The following SUGCT variants were observed in gnomAD, a reference collection of about 807,000 sequenced individuals.
SUGCT encodes the protein succinyl-CoA:glutarate-CoA transferase.
A neutral mutation model predicts 55.0 loss-of-function variants in SUGCT; 41 were observed. The observed-to-expected ratio is 0.74, with a 90% CI of 0.58 to 0.97. The LOEUF is 0.97. SUGCT is among the 50% of genes least tolerant of loss of function. The probability of loss-of-function intolerance (pLI) is 0.00; values close to 1 mark genes in which losing one functional copy is unlikely to be tolerated. For missense variants in SUGCT, 568 were observed against 547.8 expected (o/e 1.04, Z -0.37); for synonymous variants, 187 against 200.4 (o/e 0.93, Z 0.56).
At chr7:40,331,952 A>G (rs967921588) in intron 9 of SUGCT, among the ~76,000 whole-genome samples, 1 of 152,220 alleles carries the variant, frequency 6.6e-6, no homozygotes, top group Non-Finnish European at 1.5e-5. Context: ...TGCAAATGGC[A>G]TAGTCACTGA....
chr7:40,431,082 C>T (rs1787869729), intron 9 of SUGCT, among the ~76,000 whole-genome samples: 1 of 144,800 alleles, frequency 6.9e-6, no homozygotes, highest in Non-Finnish European at 1.5e-5. Flanking sequence ...CACAGCACTG[C>T]ACTCCAGCCT....
intron 12 of SUGCT, among the ~76,000 whole-genome samples, chr7:40,670,149 T>TG (rs1801859833): frequency 8.5e-6 from 1 of 117,014 alleles, no homozygotes; most frequent in African/African-American, 3.4e-5. Flanking sequence ...CCAGCCTGGG[T>TG]GACACAGGAG....
intron 8 of SUGCT, among the ~76,000 whole-genome samples, chr7:40,283,067 C>G (rs944104886): frequency 6.6e-5 from 10 of 151,508 alleles, no homozygotes; most frequent in African/African-American, 2.4e-4. Flanking sequence ...TTCTGCACAG[C>G]AAAGGGAACA....
chr7:40,720,616 A>G (rs1786276766), intron 12 of SUGCT, among the ~76,000 whole-genome samples: 1 of 152,228 alleles, frequency 6.6e-6, no homozygotes, highest in African/African-American at 2.4e-5. Context: ...AGCTGAAACA[A>G]GAAGTTTTTA....
At chr7:40,868,328 C>T in the SUGCT span, among the ~76,000 whole-genome samples, 2,370 of 152,216 alleles carry the variant, frequency 0.016, 39 homozygotes, top group Middle Eastern at 0.034. Flanking sequence ...CCCCTCACCC[C>T]ACAACAGGCC....
chr7:40,383,576 T>G lies in SUGCT; in HGVS notation c.817-65711T>G, dbSNP rs56360246. 9.4e-4 allele frequency among the ~76,000 whole-genome samples: 143 copies of G among 152,328 alleles called. 1 individual carries two copies. Among genetic ancestry groups the G allele is most frequent in the African/African-American group, 3.3e-3 (136 of 41,576 alleles). ...ATTTGCTTTCAGAGAACTTCCCATC[T>G]ATTGGGAAATACAAAGCATAATCTG... On this transcript the variant is annotated intron_variant, in intron 9 of 13. Transcript: ENST00000335693.
chr7:40,642,511 T>C (rs1272493220), intron 12 of SUGCT, among the ~76,000 whole-genome samples: 1 of 152,124 alleles, frequency 6.6e-6, no homozygotes, highest in African/African-American at 2.4e-5. Flanking sequence ...TCCTGTGACA[T>C]GCTCAGTCCA....
At chr7:40,714,754 C>T (rs1785925569) in intron 12 of SUGCT, among the ~76,000 whole-genome samples, 1 of 152,176 alleles carries the variant, frequency 6.6e-6, no homozygotes, top group African/African-American at 2.4e-5. Flanking sequence ...TTGTAATACC[C>T]TGGAAAAGCT....
At chr7:40,448,590 G>A (rs998047457) in intron 9 of SUGCT, among the ~76,000 whole-genome samples, 5 of 152,102 alleles carry the variant, frequency 3.3e-5, no homozygotes, top group African/African-American at 1.2e-4. Context: ...GCTCATGCCT[G>A]TAATCCCGGC....
chr7:40,297,271 A>G (rs771604869), intron 8 of SUGCT, among the ~76,000 whole-genome samples: 1 of 151,922 alleles, frequency 6.6e-6, no homozygotes, highest in African/African-American at 2.4e-5. Context: ...TTACTTTTTG[A>G]TAGTCTTGCA....
intron 12 of SUGCT, among the ~76,000 whole-genome samples, chr7:40,600,152 A>G (rs1364699312): frequency 2.6e-5 from 4 of 152,212 alleles, no homozygotes; most frequent in African/African-American, 9.6e-5. Context: ...ATGTGTCTGC[A>G]AAACCATTTC....
intron 12 of SUGCT, among the ~76,000 whole-genome samples, chr7:40,677,690 C>A (rs1432313384): frequency 2.6e-5 from 4 of 152,164 alleles, no homozygotes; most frequent in South Asian, 2.1e-4. Flanking sequence ...ACGTTCATAT[C>A]TTGCTTTTAA....
At chr7:40,691,100 A>T (rs1784678996) in intron 12 of SUGCT, among the ~76,000 whole-genome samples, 1 of 152,146 alleles carries the variant, frequency 6.6e-6, no homozygotes. Flanking sequence ...ACTGTTGGAG[A>T]ACTAAGGATC....
intron 9 of SUGCT, among the ~76,000 whole-genome samples, chr7:40,419,822 T>TA (rs1038423418): frequency 3.3e-5 from 5 of 152,140 alleles, no homozygotes; most frequent in Non-Finnish European, 7.4e-5. Context: ...GAATGGTTAA[T>TA]AAAAAGAAAA....
chr7:40,594,224 T>C (rs1450701372), intron 12 of SUGCT, among the ~76,000 whole-genome samples: 3 of 151,414 alleles, frequency 2.0e-5, no homozygotes, highest in South Asian at 2.1e-4. Flanking sequence ...TCCCTAATGC[T>C]AGATGACGAG....
intron 8 of SUGCT, among the ~76,000 whole-genome samples, chr7:40,288,992 T>C (rs995502808): frequency 6.6e-6 from 1 of 152,154 alleles, no homozygotes; most frequent in African/African-American, 2.4e-5. Context: ...TCCCCACTCA[T>C]GTTGAAAGTG....
chr7:40,138,039 A>G (rs924332014), intron 1 of SUGCT, among the ~76,000 whole-genome samples: 3 of 152,118 alleles, frequency 2.0e-5, no homozygotes, highest in Non-Finnish European at 4.4e-5. Flanking sequence ...GTTTTGCTAC[A>G]TTGATATATT....
chr7:40,467,413 C>G (rs555420987), intron 11 of SUGCT, among the ~76,000 whole-genome samples: 23 of 152,102 alleles, frequency 1.5e-4, no homozygotes, highest in African/African-American at 5.5e-4. Flanking sequence ...GGGTATCCAT[C>G]AGCCCACACA....
intron 3 of SUGCT, among the ~76,000 whole-genome samples, chr7:40,187,326 C>A (rs1428354188): frequency 6.6e-6 from 1 of 151,898 alleles, no homozygotes; most frequent in African/African-American, 2.4e-5. Context: ...AGGAGATATA[C>A]CTAATGTTAA....
Sources: allele counts gnomAD v4.1 joint callset (sites outside exome capture counted in the v4.1 genomes callset), GRCh38; gene constraint gnomAD v4.1.1; transcripts MANE v1.5; gene names NCBI Gene and HGNC (gene_info 2026-07-23, HGNC 2026-07-21).